The following NFKBIA variants were observed in gnomAD, a reference collection of about 807,000 sequenced individuals.
NFKBIA encodes the protein NF-kappa-B inhibitor alpha.
NFKBIA carries 10 observed loss-of-function variants against 36.3 expected under a neutral mutation model. The observed-to-expected ratio is 0.28, with a 90% CI of 0.17 to 0.47. The LOEUF is 0.47. Among genes scored for constraint, NFKBIA ranks in the 20% least tolerant of loss-of-function variants. The pLI, the probability that NFKBIA is intolerant of heterozygous loss-of-function variation, is 0.99. For missense variants in NFKBIA, 355 were observed against 399.3 expected (o/e 0.89, Z 0.94); for synonymous variants, 205 against 164.4 (o/e 1.25, Z -1.89).
chr14:35,404,635 C>T lies in NFKBIA; in HGVS notation c.10G>A (p.Ala4Thr). Residue 4 changes from alanine (A) to threonine (T), a missense_variant, in exon 1 of 6, where the codon GCG becomes ACG. By Grantham distance (58) the Ala-to-Thr change is moderately conservative. Coordinates refer to ENST00000216797, the MANE Select transcript of NFKBIA (RefSeq NM_020529.3). ...GCCCACTCCTGGGGGCGCTCGGCCG[C>T]CTGGAACATGGCGCGGACGAGCTGC... Reference protein sequence around the residue: MFQAAERPQEWAME... With the variant: MFQTAERPQEWAME... 6.6e-7 allele frequency: 1 copy of T among 1,506,934 alleles called. No homozygotes were observed. The highest frequency in any genetic ancestry group is 8.9e-7 in the Non-Finnish European group (1 of 1,126,948). The allele number at this position is 1,506,934 out of a possible 1,614,324, so 93.3% of individuals were successfully genotyped here.
intron 1 of NFKBIA, chr14:35,404,014 G>A (rs1383404412): frequency 7.0e-6 from 4 of 567,386 alleles, no homozygotes; most frequent in Non-Finnish European, 1.3e-5. Flanking sequence ...CGGCCAGACC[G>A]CCCCGCCCTC....
rs940642653 is a variant in NFKBIA at position 35,401,761 on chromosome 14, A to C, written c.*252T>G. 8.0e-5 allele frequency: 44 copies of C among 546,930 alleles called. No homozygotes were observed. The African/African-American group carries it at 8.1e-4, about 10-fold the overall frequency. The allele number at this position is 546,930 out of a possible 1,614,324, so 33.9% of individuals were successfully genotyped here. ...GAAATTTTTGATAACCTTCTCCAAA[A>C]ACCCCACAAAGGTGAGGTTTAAAAG... is the stretch of plus-strand genomic sequence containing the variant. On this transcript the variant is annotated 3_prime_UTR_variant, in exon 6 of 6. Coordinates refer to ENST00000216797, the MANE Select transcript of NFKBIA (RefSeq NM_020529.3).
chr14:35,404,302 C>CTATAAACGCTGGCTGGGGATTTCTCT, intron 1 of NFKBIA, 116 bp downstream of exon 1: 1 of 720,874 alleles, frequency 1.4e-6, no homozygotes, highest in Non-Finnish European at 1.9e-6. Flanking sequence ...CCGCGGCGCC[C>CTATAAACGCTGGCTGGGGATTTCTCT]GCCCGGCTGC....
chr14:35,404,382 C>T, intron 1 of NFKBIA, 36 bp downstream of exon 1: 1 of 1,314,438 alleles, frequency 7.6e-7, no homozygotes, highest in Non-Finnish European at 1.0e-6. Context: ...GTCCCGCCCT[C>T]CCGACGACCC....
chr14:35,403,131 G>A lies in NFKBIA; in HGVS notation c.547+19C>T. On this transcript the variant is annotated intron_variant, in intron 3 of 5. Coordinates refer to ENST00000216797, the MANE Select transcript of NFKBIA (RefSeq NM_020529.3). ...CCTGCCCTCCGAGGGGGTGGGGCAG[G>A]GCAGGGAGGCAGACATACCATTGTA... 6.2e-7 allele frequency: 1 copy of A among 1,607,258 alleles called. No homozygotes were observed. The highest frequency in any genetic ancestry group is 8.5e-7 in the Non-Finnish European group (1 of 1,176,132).
chr14:35,402,068 CA>C lies in NFKBIA; in HGVS notation c.907-9del. 3 of 1,613,940 alleles carry C rather than the reference CA, an allele frequency of 1.9e-6. No individual in the cohort carries two copies. Among genetic ancestry groups the C allele is most frequent in the Non-Finnish European group, 2.5e-6 (3 of 1,179,964 alleles). ...ACAGTCATCATAGGGCAGCTGAAAACAAGGGGAAAAAAGACACGTTAAGCTT... is the reference window on the plus strand; with the variant it reads ...ACAGTCATCATAGGGCAGCTGAAAACAGGGGAAAAAAGACACGTTAAGCTT... On this transcript the variant is annotated splice_polypyrimidine_tract_variant and intron_variant, in intron 5 of 5. Transcript: ENST00000216797.
rs2138832041 is a variant in NFKBIA, at chr14:35,403,280, G to A, written c.417C>T (p.Leu139=). The change falls in exon 3 of 6, where the codon CTC becomes CTT. Residue 139 remains leucine, a synonymous_variant. Transcript: ENST00000216797. ...GGGGGGTATTTCCTCGAAAGTCTCG[G>A]AGCTCAGGATCACAGCCAGCTCCCA... ...ALLGAGCDPE[L]RDFRGNTPLH... 3 of 1,613,968 alleles carry A rather than the reference G, an allele frequency of 1.9e-6. No individual in the cohort carries two copies. The highest frequency in any genetic ancestry group is 2.5e-6 in the Non-Finnish European group (3 of 1,180,038).
At chr14:35,403,011 C>T (rs776849656) in intron 3 of NFKBIA, 139 bp downstream of exon 3, 103 of 1,252,338 alleles carry the variant, frequency 8.2e-5, no homozygotes, top group Non-Finnish European at 1.2e-4. Context: ...CCAATAGGCA[C>T]TTTGCACACA....
chr14:35,402,391 C>A lies in NFKBIA; in HGVS notation c.906+3G>T. 1 of 1,614,136 alleles carries A rather than the reference C, an allele frequency of 6.2e-7. No homozygotes were observed. The highest frequency in any genetic ancestry group is 2.2e-5 in the East Asian group (1 of 44,888). ...AGAGCGCCGAAGGAGTTCACAGACT[C>A]ACCTCGTCCTCTGTGAACTCCGTGA... On this transcript the variant is annotated splice_donor_region_variant and intron_variant, in intron 5 of 5. Transcript: ENST00000216797.
Position 35,402,454 on chromosome 14 carries a change from C to G in NFKBIA, c.846G>C (p.Glu282Asp), listed in dbSNP as rs2052738833. Residue 282 changes from glutamate to aspartate, a missense_variant, in exon 5 of 6, where the codon GAG becomes GAC. By Grantham distance (45) the Glu-to-Asp change is conservative. Transcript: ENST00000216797. ...LTLENLQMLP[E>D]SEDEESYDTE... ...TGTCATAGCTCTCCTCATCCTCACT[C>G]TCTGGCAGCATCTGAAGGTTTTCTA... 6.2e-7 allele frequency: 1 copy of G among 1,614,208 alleles called. No individual in the cohort carries two copies.
chr14:35,402,387 G>C lies in NFKBIA; in HGVS notation c.906+7C>G. ...AGTTAGAGCGCCGAAGGAGTTCACA[G>C]ACTCACCTCGTCCTCTGTGAACTCC... is the stretch of plus-strand genomic sequence containing the variant. On this transcript the variant is annotated splice_region_variant and intron_variant, in intron 5 of 5. Transcript: ENST00000216797. 1 of 1,614,118 alleles carries C rather than the reference G, an allele frequency of 6.2e-7. No homozygotes were observed. The highest frequency in any genetic ancestry group is 8.5e-7 in the Non-Finnish European group (1 of 1,180,020).
rs748171915 is a variant in NFKBIA, at chr14:35,404,618, C to T, written c.27G>A (p.Gln9=). The T allele has an allele frequency of 1.2e-5, 18 of 1,535,686 alleles. No individual in the cohort carries two copies. The highest frequency in any genetic ancestry group is 3.6e-5 in the South Asian group (3 of 82,740). The stretch of plus-strand genomic sequence containing the variant: ...CGCGGGGGCCCTCCATGGCCCACTC[C>T]TGGGGGCGCTCGGCCGCCTGGAACA... MFQAAERP[Q]EWAMEGPRDG... The change falls in exon 1 of 6, where the codon CAG becomes CAA. Residue 9 remains glutamine (Q), a synonymous_variant. Transcript: ENST00000216797.
rs1594427881 is a variant in NFKBIA at position 35,404,495 on chromosome 14, C to T, written c.150G>A (p.Gln50=). The T allele has an allele frequency of 6.2e-7, 1 of 1,604,218 alleles. No homozygotes were observed. Among genetic ancestry groups the T allele is most frequent in the East Asian group, 2.3e-5 (1 of 44,212 alleles). The change falls in exon 1 of 6, where the codon CAG becomes CAA. Residue 50 remains glutamine, a synonymous_variant. Coordinates refer to ENST00000216797, the MANE Select transcript of NFKBIA (RefSeq NM_020529.3). ...EEYEQMVKEL[Q]EIRLEPQEVP... ...CCTCCTGCGGCTCGAGGCGGATCTC[C>T]TGCAGCTCCTTGACCATCTGCTCGT...
chr14:35,404,451 GGCTCCGAGCCGC>G lies in NFKBIA; in HGVS notation c.182_193del (p.Arg61_Glu64del). ...GTCCTCGGTGAGCTGCTGCTTCCAG[GGCTCCGAGCCGC>G]GCGGCACCTCCTGCGGCTCGAGGCG... On this transcript the variant is annotated inframe_deletion, in exon 1 of 6. Coordinates refer to ENST00000216797, the MANE Select transcript of NFKBIA (RefSeq NM_020529.3). 1.3e-6 allele frequency: 2 copies of G among 1,594,220 alleles called. No individual in the cohort carries two copies. Among genetic ancestry groups the G allele is most frequent in the Non-Finnish European group, 1.7e-6 (2 of 1,171,318 alleles).
At position 35,402,472 on chromosome 14, in the gene NFKBIA, G is replaced by C. The variant is rs1387713593; in HGVS notation, c.828C>G (p.Asn276Lys). 1.9e-6 allele frequency: 3 copies of C among 1,614,176 alleles called. No individual in the cohort carries two copies. Among genetic ancestry groups the C allele is most frequent in the Non-Finnish European group, 2.5e-6 (3 of 1,180,032 alleles). The stretch of plus-strand genomic sequence containing the variant: ...CCTCACTCTCTGGCAGCATCTGAAG[G>C]TTTTCTAGTGTCAGCTGGCCCAGCT... The part of the protein sequence containing the change: ...QQQLGQLTLE[N>K]LQMLPESEDE... Residue 276 changes from asparagine to lysine, a missense_variant, in exon 5 of 6, where the codon AAC becomes AAG. By Grantham distance (94) the Asn-to-Lys change is moderately conservative (BLOSUM62 0). Transcript: ENST00000216797.
intron 1 of NFKBIA, 86 bp downstream of exon 1, chr14:35,404,332 G>C (rs879044056): frequency 3.0e-6 from 3 of 1,004,576 alleles, no homozygotes; most frequent in Non-Finnish European, 3.9e-6. Flanking sequence ...CCCCCGGCTC[G>C]GGCTCCAGGC....
Position 35,404,678 on chromosome 14 carries a change from C to T in NFKBIA, c.-34G>A, listed in dbSNP as rs2233410. 46 of 1,380,624 alleles carry T rather than the reference C, an allele frequency of 3.3e-5. No individual in the cohort carries two copies. In the Middle Eastern group the frequency reaches 6.6e-4, roughly 20 times the overall value. The allele number at this position is 1,380,624 out of a possible 1,614,324, so 85.5% of individuals were successfully genotyped here. A position where few individuals can be genotyped will look rare whatever the true frequency, so the allele number is the denominator to read the frequency against. ...CGAGCTGCGGGCGCTGCTGCGGGTGCGCTGGGCCGCGGGCTGCGCGCTGCT... is the reference window on the plus strand; with the variant it reads ...CGAGCTGCGGGCGCTGCTGCGGGTGTGCTGGGCCGCGGGCTGCGCGCTGCT... On this transcript the variant is annotated 5_prime_UTR_variant, in exon 1 of 6. Coordinates refer to ENST00000216797, the MANE Select transcript of NFKBIA (RefSeq NM_020529.3).
In NFKBIA at chr14:35,401,811, C is replaced by T; in HGVS notation, c.*202G>A. On this transcript the variant is annotated 3_prime_UTR_variant, in exon 6 of 6. Coordinates refer to ENST00000216797, the MANE Select transcript of NFKBIA (RefSeq NM_020529.3). ...GAAGTTTTCTCAGAATTTCAATGAT[C>T]TTTCTCGTCCCCTACAAAAAGTTCA... 2 of 603,654 alleles carry T rather than the reference C, an allele frequency of 3.3e-6. No homozygotes were observed. The highest frequency in any genetic ancestry group is 4.4e-5 in the South Asian group (2 of 45,738). 37.4% of individuals were successfully genotyped at this position (603,654 alleles called of 1,614,324 possible).
In NFKBIA at chr14:35,403,145, C is replaced by G; in HGVS notation, c.547+5G>C. ...GGGTGGGGCAGGGCAGGGAGGCAGA[C>G]ATACCATTGTAGTTGGTAGCCTTCA... On this transcript the variant is annotated splice_donor_5th_base_variant and intron_variant, in intron 3 of 5. Coordinates refer to ENST00000216797, the MANE Select transcript of NFKBIA (RefSeq NM_020529.3). 6.2e-7 allele frequency: 1 copy of G among 1,609,508 alleles called. No individual in the cohort carries two copies. The highest frequency in any genetic ancestry group is 8.5e-7 in the Non-Finnish European group (1 of 1,177,842).
Sources: gnomAD v4.1 joint callset for allele counts on GRCh38, gnomAD v4.1.1 for gene constraint, MANE v1.5 for transcripts, NCBI Gene and HGNC (gene_info 2026-07-23, HGNC 2026-07-21) for gene names.